The following CNTLN variants were observed in gnomAD, a reference collection of about 807,000 sequenced individuals.
CNTLN encodes centlein.
A neutral mutation model predicts 180.0 loss-of-function variants in CNTLN; 212 were observed. The ratio of observed to expected loss-of-function variants is 1.18; its 90% CI spans 1.05 to 1.32. CNTLN has a LOEUF of 1.32. Ranked by LOEUF, CNTLN falls within the 40% of genes most tolerant of loss-of-function variation. The pLI, the probability that CNTLN is intolerant of heterozygous loss-of-function variation, is 0.00. For synonymous variants in CNTLN, 722 were observed against 563.1 expected (o/e 1.28, Z -3.99); for missense variants, 2,095 against 1,610.9 (o/e 1.30, Z -5.14).
At chr9:17,264,800 C>G (rs1013249666) in intron 5 of CNTLN, among the ~76,000 whole-genome samples, 1 of 151,910 alleles carries the variant, frequency 6.6e-6, no homozygotes, top group Non-Finnish European at 1.5e-5. Flanking sequence ...CTCTTTGAAG[C>G]GATTGTGAAT....
chr9:17,343,631 T>G (rs1038350800), intron 12 of CNTLN, among the ~76,000 whole-genome samples: 1 of 152,222 alleles, frequency 6.6e-6, no homozygotes, highest in African/African-American at 2.4e-5. Flanking sequence ...CTCATAGATT[T>G]GTCTCAGAGG....
the CNTLN span, among the ~76,000 whole-genome samples, chr9:17,519,243 T>C: frequency 1.3e-5 from 1 of 78,530 alleles, no homozygotes; most frequent in African/African-American, 3.3e-5. Flanking sequence ...GAGATTTGAG[T>C]GTTTTTTTTT....
At chr9:17,207,591 G>A (rs1823015840) in intron 2 of CNTLN, among the ~76,000 whole-genome samples, 1 of 152,100 alleles carries the variant, frequency 6.6e-6, no homozygotes, top group African/African-American at 2.4e-5. Context: ...GGCTGGGGGA[G>A]GGAGGTCCCC....
At chr9:17,437,315 A>C (rs558095618) in intron 18 of CNTLN, among the ~76,000 whole-genome samples, 1 of 152,222 alleles carries the variant, frequency 6.6e-6, no homozygotes. Flanking sequence ...ATAAAATTGC[A>C]CTTCTTATAC....
At chr9:17,176,127 T>G (rs1820703215) in intron 2 of CNTLN, among the ~76,000 whole-genome samples, 1 of 152,128 alleles carries the variant, frequency 6.6e-6, no homozygotes, top group Admixed American at 6.5e-5. Flanking sequence ...TGGCTATATT[T>G]TCCAGTACTA....
chr9:17,306,251 G>A (rs1189476994), intron 7 of CNTLN, among the ~76,000 whole-genome samples: 2 of 151,228 alleles, frequency 1.3e-5, no homozygotes, highest in East Asian at 3.9e-4. Flanking sequence ...CTGGGTTCAA[G>A]TGATTCTCCT....
chr9:17,398,253 G>A (rs889212137), intron 15 of CNTLN, among the ~76,000 whole-genome samples: 2 of 152,128 alleles, frequency 1.3e-5, no homozygotes, highest in East Asian at 1.9e-4. Context: ...AAAGGGGCTC[G>A]TTGCCTTATG....
intron 5 of CNTLN, among the ~76,000 whole-genome samples, chr9:17,268,341 TA>T: frequency 6.6e-6 from 1 of 152,280 alleles, no homozygotes; most frequent in East Asian, 1.9e-4. Context: ...GCGGTGGCTT[TA>T]GAATAGCGGA....
At chr9:17,297,140 C>T (rs1352698672) in intron 6 of CNTLN, among the ~76,000 whole-genome samples, 2 of 152,086 alleles carry the variant, frequency 1.3e-5, no homozygotes, top group Non-Finnish European at 2.9e-5. Flanking sequence ...CTGTACTGAA[C>T]GTGTACAGAC....
intron 8 of CNTLN, among the ~76,000 whole-genome samples, chr9:17,315,409 A>G (rs1453240981): frequency 4.0e-5 from 6 of 151,754 alleles, no homozygotes; most frequent in Non-Finnish European, 8.8e-5. Flanking sequence ...GCTTCTCTTT[A>G]TTTTTGGTTT....
chr9:17,397,909 AT>A (rs1478025652), intron 15 of CNTLN, among the ~76,000 whole-genome samples: 1 of 152,222 alleles, frequency 6.6e-6, no homozygotes, highest in Non-Finnish European at 1.5e-5. Flanking sequence ...CTGCAAAAGA[AT>A]TCTCAAACGG....
At chr9:17,365,438 G>T (rs987381986) in intron 12 of CNTLN, among the ~76,000 whole-genome samples, 2 of 151,982 alleles carry the variant, frequency 1.3e-5, no homozygotes, top group Admixed American at 1.3e-4. Flanking sequence ...TTTTTTTATA[G>T]CAAAGTGAGA....
At chr9:17,470,034 A>G (rs1034155612) in intron 23 of CNTLN, among the ~76,000 whole-genome samples, 3 of 151,946 alleles carry the variant, frequency 2.0e-5, no homozygotes. Flanking sequence ...CAGTAGTAGT[A>G]TGGCTCTGAC....
At chr9:17,300,991 A>G in intron 7 of CNTLN, 3 of 984,244 alleles carry the variant, frequency 3.0e-6, no homozygotes, top group Non-Finnish European at 3.6e-6. Context: ...TGGTAGAAGC[A>G]AGAAAAGAAT....
At chr9:17,288,855 T>G (rs1257754290) in intron 6 of CNTLN, among the ~76,000 whole-genome samples, 1 of 123,564 alleles carries the variant, frequency 8.1e-6, no homozygotes, top group Non-Finnish European at 1.7e-5. Context: ...GTTTTCCATT[T>G]GCTTGGTAGA....
chr9:17,459,609 C>G (rs1022278371), intron 19 of CNTLN, among the ~76,000 whole-genome samples: 1 of 151,736 alleles, frequency 6.6e-6, no homozygotes, highest in Admixed American at 6.6e-5. Flanking sequence ...GACTGGTTAT[C>G]TTAAATAGCA....
chr9:17,458,009 G>A (rs1831236218), intron 19 of CNTLN, among the ~76,000 whole-genome samples: 1 of 151,856 alleles, frequency 6.6e-6, no homozygotes, highest in African/African-American at 2.4e-5. Flanking sequence ...CCTCCCTCCA[G>A]CTGAACAGAA....
At chr9:17,445,826 C>A (rs987698879) in intron 18 of CNTLN, among the ~76,000 whole-genome samples, 1 of 152,144 alleles carries the variant, frequency 6.6e-6, no homozygotes, top group African/African-American at 2.4e-5. Flanking sequence ...AGGAACGCCT[C>A]TTGCAGTTGA....
At chr9:17,186,641 C>T (rs1821449809) in intron 2 of CNTLN, among the ~76,000 whole-genome samples, 1 of 152,002 alleles carries the variant, frequency 6.6e-6, no homozygotes, top group Non-Finnish European at 1.5e-5. Context: ...TAGTTTATAG[C>T]ACACTTTTAG....
Sources: gnomAD v4.1 joint callset for allele counts (sites outside exome capture counted in the v4.1 genomes callset) on GRCh38, gnomAD v4.1.1 for gene constraint, MANE v1.5 for transcripts, NCBI Gene and HGNC (gene_info 2026-07-23, HGNC 2026-07-21) for gene names.